The following B3GALT1 variants were observed in gnomAD, a reference collection of about 807,000 sequenced individuals.
The protein encoded by B3GALT1 is beta-1,3-galactosyltransferase 1.
In B3GALT1, 10 loss-of-function variants were observed where a neutral mutation model predicts 23.2. The observed-to-expected ratio is 0.43, with a 90% CI of 0.27 to 0.73. The LOEUF (loss-of-function observed/expected upper bound fraction) is 0.73, where lower values mean the gene tolerates loss of function less well. Ranked by LOEUF, B3GALT1 falls within the 30% of genes least tolerant of loss-of-function variation. The pLI is 0.21. For missense variants in B3GALT1, 299 were observed against 405.4 expected (o/e 0.74, Z 2.25); for synonymous variants, 156 against 141.5 (o/e 1.10, Z -0.73).
chr2:167,483,739 A>G (rs763074906), intron 1 of B3GALT1, among the ~76,000 whole-genome samples: 15 of 152,208 alleles, frequency 9.9e-5, no homozygotes, highest in Non-Finnish European at 1.8e-4. Context: ...AAATAGCTCA[A>G]TCAGCCCTCC....
At chr2:167,560,244 C>G (rs1215695233) in intron 2 of B3GALT1, among the ~76,000 whole-genome samples, 1 of 152,090 alleles carries the variant, frequency 6.6e-6, no homozygotes, top group Admixed American at 6.5e-5. Context: ...ACTTTACAGA[C>G]AAACAAATGC....
intron 1 of B3GALT1, among the ~76,000 whole-genome samples, chr2:167,395,303 G>A (rs758440094): frequency 6.6e-6 from 1 of 152,124 alleles, no homozygotes; most frequent in Non-Finnish European, 1.5e-5. Flanking sequence ...TTGAGATGTA[G>A]AGATTACCCT....
intron 1 of B3GALT1, among the ~76,000 whole-genome samples, chr2:167,327,112 C>A (rs560903873): frequency 2.0e-5 from 3 of 152,076 alleles, no homozygotes; most frequent in Admixed American, 6.5e-5. Context: ...TTCCATTGAT[C>A]TATATGTTTA....
intron 1 of B3GALT1, among the ~76,000 whole-genome samples, chr2:167,311,988 A>G (rs1439905672): frequency 3.9e-5 from 6 of 152,000 alleles, no homozygotes; most frequent in African/African-American, 1.4e-4. Flanking sequence ...AAAGAAAAAT[A>G]AAGTAAACCA....
At chr2:167,453,188 T>C (rs1699114809) in intron 1 of B3GALT1, among the ~76,000 whole-genome samples, 1 of 152,144 alleles carries the variant, frequency 6.6e-6, no homozygotes, top group Non-Finnish European at 1.5e-5. Flanking sequence ...TAATCAGGCC[T>C]GATGTGCACA....
intron 4 of B3GALT1, among the ~76,000 whole-genome samples, chr2:167,829,799 G>A (rs964785978): frequency 4.6e-5 from 7 of 152,244 alleles, no homozygotes; most frequent in African/African-American, 9.6e-5. Context: ...TCTGAGATGC[G>A]CGGAGAATGG....
chr2:167,833,793 A>G (rs982179114), intron 4 of B3GALT1, among the ~76,000 whole-genome samples: 1 of 152,234 alleles, frequency 6.6e-6, no homozygotes, highest in Non-Finnish European at 1.5e-5. Flanking sequence ...CTTTAAGTAA[A>G]TATGATCAGA....
At chr2:167,633,638 A>C (rs539211892) in intron 2 of B3GALT1, among the ~76,000 whole-genome samples, 1 of 152,120 alleles carries the variant, frequency 6.6e-6, no homozygotes, top group African/African-American at 2.4e-5. Context: ...AGAGCTAACT[A>C]TCCTAAATAT....
chr2:167,646,832 A>T (rs962682252), intron 2 of B3GALT1, among the ~76,000 whole-genome samples, 77 bp from the exon 3 acceptor site: 1 of 152,184 alleles, frequency 6.6e-6, no homozygotes, highest in Non-Finnish European at 1.5e-5. Context: ...TTATTGTAAG[A>T]TTTGTATAGG....
chr2:167,349,452 G>A (rs577341726), intron 1 of B3GALT1, among the ~76,000 whole-genome samples: 1 of 152,240 alleles, frequency 6.6e-6, no homozygotes, highest in South Asian at 2.1e-4. Context: ...AAAAGAGGCC[G>A]TAAAGTGCTT....
At chr2:167,707,473 T>C (rs895526682) in intron 3 of B3GALT1, among the ~76,000 whole-genome samples, 20 of 151,942 alleles carry the variant, frequency 1.3e-4, no homozygotes, top group African/African-American at 4.8e-4. Flanking sequence ...TTGAGTTCTT[T>C]CCTGTATACT....
chr2:167,670,945 G>T (rs1253084135), intron 3 of B3GALT1, among the ~76,000 whole-genome samples: 1 of 151,730 alleles, frequency 6.6e-6, no homozygotes, highest in African/African-American at 2.4e-5. Context: ...TCCAGAGGAA[G>T]AGAGAGAGAG....
At chr2:167,863,613 C>T (rs1226958345) in intron 4 of B3GALT1, among the ~76,000 whole-genome samples, 1 of 152,188 alleles carries the variant, frequency 6.6e-6, no homozygotes, top group Admixed American at 6.5e-5. Flanking sequence ...CTTTATCCAA[C>T]TTACATGAAA....
chr2:167,526,119 T>C (rs1418046293), intron 2 of B3GALT1, among the ~76,000 whole-genome samples: 1 of 152,114 alleles, frequency 6.6e-6, no homozygotes, highest in Admixed American at 6.6e-5. Context: ...AAAATCTGGA[T>C]ACTGTTTATG....
Position 167,831,431 on chromosome 2 carries a change from T to C in B3GALT1, c.-230+12638T>C, listed in dbSNP as rs139402041. Among the ~76,000 whole-genome samples the C allele has an allele frequency of 3.6e-3, 541 of 152,334 alleles. 3 individuals are homozygous for C. Among genetic ancestry groups the C allele is most frequent in the African/African-American group, 0.012 (508 of 41,568 alleles). ...CACTGATTTGCTCTCAAAATTCATA[T>C]CTTTGGGACATAATATTAAAACCAC... On this transcript the variant is annotated intron_variant, in intron 4 of 4. Coordinates refer to ENST00000392690, the MANE Select transcript of B3GALT1 (RefSeq NM_020981.4).
At chr2:167,804,299 CT>C (rs1379844335) in intron 3 of B3GALT1, among the ~76,000 whole-genome samples, 1 of 149,460 alleles carries the variant, frequency 6.7e-6, no homozygotes, top group African/African-American at 2.5e-5. Context: ...CTCAAAATTT[CT>C]TTTTTGTTTT....
intron 2 of B3GALT1, among the ~76,000 whole-genome samples, chr2:167,628,322 C>T (rs1365017909): frequency 6.6e-6 from 1 of 151,494 alleles, no homozygotes; most frequent in Non-Finnish European, 1.5e-5. Context: ...CATTTAAGGT[C>T]TATGAGAGTA....
chr2:167,350,482 C>G (rs921165183), intron 1 of B3GALT1, among the ~76,000 whole-genome samples: 1 of 152,140 alleles, frequency 6.6e-6, no homozygotes, highest in African/African-American at 2.4e-5. Context: ...CCCTGTGTTC[C>G]CAAGAAGATC....
intron 3 of B3GALT1, among the ~76,000 whole-genome samples, chr2:167,657,080 C>A (rs115591597): frequency 0.024 from 3,695 of 152,134 alleles, 59 homozygotes; most frequent in Middle Eastern, 0.048. Flanking sequence ...TGGTATCATT[C>A]TCTGAGATAG....
Sources: allele counts gnomAD v4.1 joint callset (sites outside exome capture counted in the v4.1 genomes callset), GRCh38; gene constraint gnomAD v4.1.1; transcripts MANE v1.5; gene names NCBI Gene and HGNC (gene_info 2026-07-23, HGNC 2026-07-21).